TALDO1: variants seen among roughly 807,000 people sequenced by gnomAD.
The protein encoded by TALDO1 is transaldolase 1.
Under a neutral mutation model 38.1 loss-of-function variants are expected in TALDO1, and 29 were observed. That is an observed-to-expected ratio of 0.76 (90% CI 0.57 to 1.04). TALDO1 has a LOEUF of 1.04. Among genes scored for constraint, TALDO1 ranks in the 50% least tolerant of loss-of-function variants. The probability of loss-of-function intolerance (pLI) is 0.00; values close to 1 mark genes in which losing one functional copy is unlikely to be tolerated. For synonymous variants in TALDO1, 207 were observed against 176.8 expected, an observed-to-expected ratio of 1.17 and a Z score of -1.36; for missense variants, 499 against 438.1, an observed-to-expected ratio of 1.14 and a Z score of -1.24.
Position 763,421 on chromosome 11 carries a change from A to G in TALDO1, c.539A>G (p.Glu180Gly), listed in dbSNP as rs1203803441. ...TTCGCCCAGGCTGTGGCCTGTGCCG[A>G]GGCGGGTGTGACCCTCATCTCCCCA... ...FSFAQAVACA[E>G]AGVTLISPFV... Residue 180 changes from glutamate (E) to glycine (G), a missense_variant, in exon 5 of 8, where the codon GAG (glutamate) becomes GGG (glycine). By Grantham distance (98) the Glu-to-Gly change is moderately conservative (BLOSUM62 -2). Coordinates refer to ENST00000319006, the MANE Select transcript of TALDO1 (RefSeq NM_006755.2). 6.2e-7 allele frequency: 1 copy of G among 1,613,202 alleles called. No individual in the cohort carries two copies. Among genetic ancestry groups the G allele is most frequent in the African/African-American group, 1.3e-5 (1 of 74,596 alleles).
At chr11:747,908 C>A (rs1862688582) in intron 1 of TALDO1, among the ~76,000 whole-genome samples, 1 of 152,152 alleles carries the variant, frequency 6.6e-6, no homozygotes, top group Admixed American at 6.5e-5. Context: ...GCGGTGCGGG[C>A]GGTACTGACG....
At chr11:764,205 G>A in intron 6 of TALDO1, 83 bp from the exon 7 acceptor site, 3 of 1,607,612 alleles carry the variant, frequency 1.9e-6, no homozygotes, top group Non-Finnish European at 2.6e-6. Context: ...ATGCTTGGGT[G>A]CAGCAGTTCA....
At chr11:762,538 G>A (rs1196183601) in intron 4 of TALDO1, among the ~76,000 whole-genome samples, 10 of 152,202 alleles carry the variant, frequency 6.6e-5, no homozygotes, top group Non-Finnish European at 1.3e-4. Flanking sequence ...GGAGTCTCTG[G>A]GTGACTGCTG....
intron 1 of TALDO1, among the ~76,000 whole-genome samples, chr11:748,632 G>A (rs1862699559): frequency 6.6e-6 from 1 of 152,124 alleles, no homozygotes; most frequent in African/African-American, 2.4e-5. Context: ...TTCCTCTTTG[G>A]TAACTGAGTA....
chr11:750,341 T>C (rs996125950), intron 1 of TALDO1, among the ~76,000 whole-genome samples: 1 of 151,566 alleles, frequency 6.6e-6, no homozygotes, highest in African/African-American at 2.4e-5. Context: ...GAAAAAAAAA[T>C]AGCCAGGCGT....
At chr11:764,755 G>A in intron 7 of TALDO1, 58 bp from the exon 8 acceptor site, 2 of 1,612,614 alleles carry the variant, frequency 1.2e-6, no homozygotes, top group Non-Finnish European at 1.7e-6. Flanking sequence ...GCCTTGTGAG[G>A]CTTCAAGGTG....
chr11:750,127 G>A (rs986040065), intron 1 of TALDO1, among the ~76,000 whole-genome samples: 1 of 152,154 alleles, frequency 6.6e-6, no homozygotes, highest in Admixed American at 6.5e-5. Context: ...TTCATAAAGT[G>A]TGTAAATTCC....
At chr11:758,900 T>C (rs1862887282) in intron 2 of TALDO1, 50 bp from the exon 3 acceptor site, 5 of 1,531,370 alleles carry the variant, frequency 3.3e-6, no homozygotes, top group Non-Finnish European at 4.5e-6. Context: ...CCACCGCACC[T>C]GGCGAACCTC....
chr11:752,891 A>C (rs545267135), intron 1 of TALDO1, among the ~76,000 whole-genome samples: 2 of 152,306 alleles, frequency 1.3e-5, no homozygotes, highest in Admixed American at 1.3e-4. Flanking sequence ...GGAATGGAGA[A>C]TGGTTGGTTG....
At chr11:752,261 T>TA (rs60881940) in intron 1 of TALDO1, 4 of 151,010 alleles carry the variant, frequency 2.6e-5, no homozygotes, top group African/African-American at 4.9e-5. Flanking sequence ...TTTTTTTTTT[T>TA]AGTAGAGATG....
intron 1 of TALDO1, among the ~76,000 whole-genome samples, chr11:751,085 G>T (rs556913515): frequency 5.1e-4 from 77 of 152,108 alleles, no homozygotes; most frequent in Non-Finnish European, 1.0e-3. Flanking sequence ...ACAGGGTCTT[G>T]CTCTGTCACC....
Position 765,006 on chromosome 11 carries a change from C to T in TALDO1, c.*161C>T. 2 of 919,388 alleles carry T rather than the reference C, an allele frequency of 2.2e-6. No individual in the cohort carries two copies. The highest frequency in any genetic ancestry group is 3.2e-4 in the Middle Eastern group (1 of 3,174). 57.0% of individuals were successfully genotyped at this position (919,388 alleles called of 1,614,324 possible). Reference sequence around the variant, plus strand: ...TTTGCCTAATACATTAAAGCAGTCACTTTTCCTGTGCTGTTTCATTCACTG... The same window carrying T: ...TTTGCCTAATACATTAAAGCAGTCATTTTTCCTGTGCTGTTTCATTCACTG... On this transcript the variant is annotated 3_prime_UTR_variant, in exon 8 of 8. Transcript: ENST00000319006.
In TALDO1 at chr11:763,363, G is replaced by C; in HGVS notation, c.481G>C (p.Gly161Arg). The change falls in exon 5 of 8, where the codon GGC (glycine) becomes CGC (arginine). Residue 161 changes from glycine to arginine, a missense_variant. Gly to Arg is a moderately radical substitution (Grantham distance 125). Coordinates refer to ENST00000319006, the MANE Select transcript of TALDO1 (RefSeq NM_006755.2). ...CCGCAGGGAGCTCGAGGAGCAGCAC[G>C]GCATCCACTGCAACATGACGTTACT... ...QAGKELEEQH[G>R]IHCNMTLLFS... is the part of the protein sequence containing the mutation. 3.8e-6 allele frequency: 6 copies of C among 1,588,700 alleles called. No individual in the cohort carries two copies. Among genetic ancestry groups the C allele is most frequent in the South Asian group, 1.1e-5 (1 of 90,734 alleles).
chr11:763,656 C>T, intron 5 of TALDO1, 91 bp from the exon 6 acceptor site: 2 of 1,573,830 alleles, frequency 1.3e-6, no homozygotes, highest in Non-Finnish European at 1.7e-6. Flanking sequence ...GGGGTGGCGG[C>T]TCAAGGTAGT....
In TALDO1 at chr11:747,468, C is replaced by A. The variant is rs955298238; in HGVS notation, c.-14C>A. 6.4e-7 allele frequency: 1 copy of A among 1,572,740 alleles called. No homozygotes were observed. ...CGTCGCCGCCGCCGCCGCCGCAGAC[C>A]CCTCGGTCTTGCTATGTCGAGCTCA... is the stretch of plus-strand genomic sequence containing the variant. On this transcript the variant is annotated 5_prime_UTR_variant, in exon 1 of 8. Transcript: ENST00000319006.
At chr11:763,687 G>GGGCA (rs1372329517) in intron 5 of TALDO1, 60 bp from the exon 6 acceptor site, 2 of 1,590,140 alleles carry the variant, frequency 1.3e-6, no homozygotes, top group African/African-American at 1.3e-5. Flanking sequence ...GGCACTGGGA[G>GGGCA]GGCAGGTGGG....
In TALDO1 at chr11:763,309, CA is replaced by C. The variant is rs1456707577; in HGVS notation, c.462-34del. 1.4e-5 allele frequency: 11 copies of C among 782,632 alleles called. 4 individuals are homozygous for C. The Admixed American group carries it at 3.2e-4, about 22-fold the overall frequency. The allele number at this position is 782,632 out of a possible 1,614,324, so 48.5% of individuals were successfully genotyped here. ...CCCCGCCCTCACCTGTCCCCGCCCT[CA>C]CCTGCCCCGCCCTCACCTGTCCCCG... On this transcript the variant is annotated intron_variant, in intron 4 of 7. Coordinates refer to ENST00000319006, the MANE Select transcript of TALDO1 (RefSeq NM_006755.2).
In TALDO1 at chr11:760,136, A is replaced by C; in HGVS notation, c.344A>C (p.Lys115Thr). The change falls in exon 4 of 8, where the codon AAA (lysine) becomes ACA (threonine). Residue 115 changes from lysine (K) to threonine (T), a missense_variant. By Grantham distance (78) the Lys-to-Thr change is moderately conservative (BLOSUM62 -1). Transcript: ENST00000319006. ...TEVDARLSFD[K>T]DAMVARARRL... is the part of the protein sequence containing the mutation. ...TGCTCCTACAGGCTCTCCTTTGATAAAGATGCGATGGTGGCCAGAGCCAGG... is the reference window on the plus strand; with the variant it reads ...TGCTCCTACAGGCTCTCCTTTGATACAGATGCGATGGTGGCCAGAGCCAGG... The C allele has an allele frequency of 6.2e-7, 1 of 1,614,032 alleles. No homozygotes were observed. The highest frequency in any genetic ancestry group is 8.5e-7 in the Non-Finnish European group (1 of 1,179,966).
In TALDO1 at chr11:763,397, T is replaced by TC. The variant is rs797045110; in HGVS notation, c.516dup (p.Ala173ArgfsTer23). The TC allele has an allele frequency of 6.2e-7, 1 of 1,612,738 alleles. No homozygotes were observed. The highest frequency in any genetic ancestry group is 8.5e-7 in the Non-Finnish European group (1 of 1,179,588). ...TGCAACATGACGTTACTCTTCTCCT[T>TC]CGCCCAGGCTGTGGCCTGTGCCGAG... On this transcript the variant is annotated frameshift_variant, in exon 5 of 8. Transcript: ENST00000319006. LOFTEE classifies it high-confidence loss of function.
Sources: gnomAD v4.1 joint callset for allele counts (sites outside exome capture counted in the v4.1 genomes callset) on GRCh38, gnomAD v4.1.1 for gene constraint, MANE v1.5 for transcripts, NCBI Gene and HGNC (gene_info 2026-07-23, HGNC 2026-07-21) for gene names.